The following PSMC4 variants were observed in gnomAD, a reference collection of about 807,000 sequenced individuals.
The protein encoded by PSMC4 is 26S proteasome regulatory subunit 6B.
A neutral mutation model predicts 48.4 loss-of-function variants in PSMC4; 13 were observed. The ratio of observed to expected loss-of-function variants is 0.27; its 90% CI spans 0.18 to 0.43. The LOEUF (loss-of-function observed/expected upper bound fraction) is 0.43. PSMC4 is among the 20% of genes least tolerant of loss of function. The pLI, the probability that PSMC4 is intolerant of heterozygous loss-of-function variation, is 1.00. For synonymous variants in PSMC4, 202 were observed against 212.3 expected, an observed-to-expected ratio of 0.95 and a Z score of 0.42; for missense variants, 262 against 555.9, an observed-to-expected ratio of 0.47 and a Z score of 5.32.
At position 39,980,052 on chromosome 19, in the gene PSMC4, T is replaced by G; in HGVS notation, c.842-18T>G. 1 of 1,614,076 alleles carries G rather than the reference T, an allele frequency of 6.2e-7. No homozygotes were observed. The highest frequency in any genetic ancestry group is 8.5e-7 in the Non-Finnish European group (1 of 1,179,954). On this transcript the variant is annotated intron_variant, in intron 7 of 10. Coordinates refer to ENST00000157812, the MANE Select transcript of PSMC4 (RefSeq NM_006503.4). The surrounding 1 kb of genome is among the most constrained non-coding windows in gnomAD (Gnocchi z 4.8). ...GTCGCATGGGATGCCTGGGACTGAC[T>G]GTGCTGTGCACTCTCAGCCGACAGG...
chr19:39,981,158 C>A (rs1971281088), intron 10 of PSMC4, 34 bp from the exon 11 acceptor site: 1 of 1,548,754 alleles, frequency 6.5e-7, no homozygotes, highest in Non-Finnish European at 8.9e-7. Flanking sequence ...TGCCCTGCCA[C>A]AGGAAGTAGA....
chr19:39,976,602 A>C (rs1351648947), intron 6 of PSMC4, among the ~76,000 whole-genome samples: 1 of 141,332 alleles, frequency 7.1e-6, no homozygotes, highest in African/African-American at 2.7e-5. Flanking sequence ...TCTGCCTCCC[A>C]GGTTCACACC....
At chr19:39,978,579 G>T (rs1160494577) in intron 6 of PSMC4, among the ~76,000 whole-genome samples, 1 of 152,124 alleles carries the variant, frequency 6.6e-6, no homozygotes, top group East Asian at 1.9e-4. Flanking sequence ...GCCTTGAACA[G>T]TTCCTAGCTT....
Position 39,979,789 on chromosome 19 carries a change from C to T in PSMC4, c.674-28C>T, listed in dbSNP as rs371803710. 5.3e-4 allele frequency: 847 copies of T among 1,591,374 alleles called. 1 individual carries two copies. Among genetic ancestry groups the T allele is most frequent in the Non-Finnish European group, 5.9e-4 (687 of 1,168,086 alleles). On this transcript the variant is annotated intron_variant, in intron 6 of 10. Transcript: ENST00000157812. ...ATGGGCCCCTCAGGAGGCTCATTCC[C>T]GCCTAACTGTTGTCATCCTGTCATC...
chr19:39,972,498 A>G lies in PSMC4; in HGVS notation c.265A>G (p.Ile89Val). The G allele has an allele frequency of 1.2e-6, 2 of 1,614,166 alleles. No individual in the cohort carries two copies. The highest frequency in any genetic ancestry group is 1.7e-6 in the Non-Finnish European group (2 of 1,180,028). ...VKRIQSIPLVIGQFLEAVDQN... is the reference protein window; with the variant it reads ...VKRIQSIPLVVGQFLEAVDQN... ...GCGAATCCAAAGCATCCCGCTGGTC[A>G]TCGGACAATTTCTGGAGGCTGTGGA... The change falls in exon 3 of 11, where the codon ATC becomes GTC. Residue 89 changes from isoleucine to valine, a missense_variant. Transcript: ENST00000157812.
chr19:39,975,638 ACCTCTCTGTG>A (rs2144614554), intron 6 of PSMC4, among the ~76,000 whole-genome samples: 1 of 152,104 alleles, frequency 6.6e-6, no homozygotes, highest in African/African-American at 2.4e-5. Flanking sequence ...GGGTAAATTA[ACCTCTCTGTG>A]ACTCAGTTTC....
chr19:39,976,348 G>A (rs1257763632), intron 6 of PSMC4, among the ~76,000 whole-genome samples: 1 of 136,778 alleles, frequency 7.3e-6, no homozygotes, highest in Non-Finnish European at 1.5e-5. Context: ...CTTGCAGTGA[G>A]CCGAGATGGC....
At chr19:39,979,454 G>A (rs35076958) in intron 6 of PSMC4, 170 of 164,202 alleles carry the variant, frequency 1.0e-3, no homozygotes, top group Non-Finnish European at 2.0e-3. Flanking sequence ...CCAGCTACTC[G>A]GGAGGCTGAA....
intron 1 of PSMC4, 103 bp from the exon 2 acceptor site, chr19:39,972,043 T>G: frequency 1.8e-6 from 2 of 1,095,116 alleles, no homozygotes; most frequent in Non-Finnish European, 1.4e-6. Flanking sequence ...AGGGGCTAAG[T>G]GACATCAGGG....
chr19:39,972,115 C>A, intron 1 of PSMC4, 31 bp from the exon 2 acceptor site: 2 of 1,585,988 alleles, frequency 1.3e-6, no homozygotes, highest in Non-Finnish European at 1.7e-6. Flanking sequence ...GGACTGTCTT[C>A]TTCCAATGTG....
intron 1 of PSMC4, among the ~76,000 whole-genome samples, chr19:39,971,541 G>C (rs1366392815): frequency 3.3e-5 from 5 of 152,148 alleles, no homozygotes; most frequent in Admixed American, 3.3e-4. Flanking sequence ...TTGGGATTGG[G>C]TCAGGCGGTG....
At chr19:39,976,425 AAT>A (rs1377986100) in intron 6 of PSMC4, among the ~76,000 whole-genome samples, 3 of 144,276 alleles carry the variant, frequency 2.1e-5, no homozygotes, top group African/African-American at 7.8e-5. Flanking sequence ...AAAAAAAAAG[AAT>A]AGAGACGTGG....
At chr19:39,972,084 A>G in intron 1 of PSMC4, 62 bp from the exon 2 acceptor site, 1 of 1,469,334 alleles carries the variant, frequency 6.8e-7, no homozygotes, top group Non-Finnish European at 9.5e-7. Flanking sequence ...ACATTAGTGA[A>G]GTTGGGAAGC....
chr19:39,972,651 C>A, intron 3 of PSMC4, 96 bp downstream of exon 3: 1 of 1,041,602 alleles, frequency 9.6e-7, no homozygotes, highest in Non-Finnish European at 1.4e-6. Context: ...CAGTGCAGTG[C>A]AATGTTCTTC....
intron 6 of PSMC4, 102 bp from the exon 7 acceptor site, chr19:39,979,715 C>T: frequency 8.2e-7 from 1 of 1,221,474 alleles, no homozygotes; most frequent in East Asian, 2.6e-5. Context: ...GTATGGGTAT[C>T]CAAGGAAAAG....
Position 39,971,189 on chromosome 19 carries a change from C to A in PSMC4, c.-14C>A. Reference sequence around the variant, plus strand: ...CAGATCATCCCAGGCCACACAGAGGCCGGCTTGGTCACTATGGAGGAGATA... The same window carrying A: ...CAGATCATCCCAGGCCACACAGAGGACGGCTTGGTCACTATGGAGGAGATA... On this transcript the variant is annotated 5_prime_UTR_variant, in exon 1 of 11. Coordinates refer to ENST00000157812, the MANE Select transcript of PSMC4 (RefSeq NM_006503.4). 1 of 1,614,024 alleles carries A rather than the reference C, an allele frequency of 6.2e-7. No individual in the cohort carries two copies. Among genetic ancestry groups the A allele is most frequent in the Admixed American group, 1.7e-5 (1 of 60,004 alleles).
At chr19:39,976,295 C>T (rs1377685746) in intron 6 of PSMC4, among the ~76,000 whole-genome samples, 2 of 137,356 alleles carry the variant, frequency 1.5e-5, no homozygotes, top group East Asian at 2.3e-4. Context: ...TGGTGGCCAG[C>T]GCCTGTAGTC....
intron 1 of PSMC4, among the ~76,000 whole-genome samples, chr19:39,971,504 G>T (rs1342902241): frequency 6.6e-6 from 1 of 152,186 alleles, no homozygotes; most frequent in Non-Finnish European, 1.5e-5. Flanking sequence ...CTGGCCGGTA[G>T]TGCTTAGTGA....
At chr19:39,971,760 C>T (rs778000165) in intron 1 of PSMC4, among the ~76,000 whole-genome samples, 6 of 151,960 alleles carry the variant, frequency 3.9e-5, no homozygotes, top group Non-Finnish European at 8.8e-5. Flanking sequence ...TGTTGGGACT[C>T]GTTGAAGGCG....
Sources: gnomAD v4.1 joint callset for allele counts (sites outside exome capture counted in the v4.1 genomes callset) on GRCh38, gnomAD v4.1.1 for gene constraint, Gnocchi (gnomAD v3.1) non-coding constraint, MANE v1.5 for transcripts, NCBI Gene and HGNC (gene_info 2026-07-23, HGNC 2026-07-21) for gene names.